The following AHCYL2 variants were observed in gnomAD, a reference collection of about 807,000 sequenced individuals.
The protein encoded by AHCYL2 is S-adenosylhomocysteine hydrolase-like protein 2.
AHCYL2 carries 28 observed loss-of-function variants against 81.4 expected under a neutral mutation model. The ratio of observed to expected loss-of-function variants is 0.34; its 90% confidence interval spans 0.25 to 0.47. The LOEUF is 0.47. Among genes scored for constraint, AHCYL2 ranks in the 20% least tolerant of loss-of-function variants. The pLI is 1.00. For synonymous variants in AHCYL2, 272 were observed against 290.2 expected (o/e 0.94, Z 0.64); for missense variants, 551 against 785.1 (o/e 0.70, Z 3.56).
At position 129,303,092 on chromosome 7, in the gene AHCYL2, C is replaced by T. The variant is rs113953848; in HGVS notation, c.364-76546C>T. Reference sequence around the variant, plus strand: ...CTTGGCTCACCGCAACCTCTGCCTCCGGGGTTCAAGTAATTCCCCTGCTTC... The same window carrying T: ...CTTGGCTCACCGCAACCTCTGCCTCTGGGGTTCAAGTAATTCCCCTGCTTC... On this transcript the variant is annotated intron_variant, in intron 1 of 16. Coordinates refer to ENST00000325006, the MANE Select transcript of AHCYL2 (RefSeq NM_015328.4). Among the ~76,000 whole-genome samples, 941 of 152,266 alleles carry T rather than the reference C, an allele frequency of 6.2e-3. 12 individuals carry two copies. Among genetic ancestry groups the T allele is most frequent in the African/African-American group, 0.022 (898 of 41,554 alleles).
intron 1 of AHCYL2, among the ~76,000 whole-genome samples, chr7:129,319,836 A>G (rs1056722583): frequency 2.0e-5 from 3 of 152,218 alleles, no homozygotes; most frequent in Admixed American, 6.5e-5. Context: ...GTGGTTTTCA[A>G]TATGAGGCTA....
intron 1 of AHCYL2, among the ~76,000 whole-genome samples, chr7:129,355,197 G>A (rs753209785): frequency 2.0e-5 from 3 of 151,704 alleles, no homozygotes; most frequent in Admixed American, 6.6e-5. Context: ...AATCTGTTTA[G>A]TGCCATATAT....
intron 1 of AHCYL2, among the ~76,000 whole-genome samples, chr7:129,241,311 C>T (rs1261319382): frequency 6.6e-6 from 1 of 152,228 alleles, no homozygotes. Flanking sequence ...TTCAAACAGG[C>T]TAGGCATGGT....
At chr7:129,254,535 T>C (rs753242937) in intron 1 of AHCYL2, among the ~76,000 whole-genome samples, 9 of 152,228 alleles carry the variant, frequency 5.9e-5, no homozygotes, top group African/African-American at 1.7e-4. Flanking sequence ...ATACTTTACA[T>C]TGAATTATTT....
intron 1 of AHCYL2, among the ~76,000 whole-genome samples, chr7:129,289,654 C>T (rs1254513342): frequency 2.0e-5 from 3 of 152,030 alleles, no homozygotes; most frequent in Non-Finnish European, 4.4e-5. Flanking sequence ...CTAGCATTCT[C>T]CAATTAGGCA....
At chr7:129,379,169 T>C (rs546245279) in intron 1 of AHCYL2, among the ~76,000 whole-genome samples, 1 of 151,182 alleles carries the variant, frequency 6.6e-6, no homozygotes, top group South Asian at 2.1e-4. Context: ...TAATCCCAGC[T>C]ACCAGGAGGC....
Position 129,370,630 on chromosome 7 carries a change from A to G in AHCYL2, c.364-9008A>G, listed in dbSNP as rs373690531. Among the ~76,000 whole-genome samples the G allele has an allele frequency of 2.4e-3, 364 of 152,328 alleles. 1 individual carries two copies. Among genetic ancestry groups the G allele is most frequent in the African/African-American group, 7.3e-3 (304 of 41,590 alleles). On this transcript the variant is annotated intron_variant, in intron 1 of 16. Coordinates refer to ENST00000325006, the MANE Select transcript of AHCYL2 (RefSeq NM_015328.4). ...GGAGAATAGCATGAACCCGGGAGGC[A>G]GAGCTTACAGTGAGCTGAGATCGCG...
chr7:129,410,872 A>G (rs1001321942), intron 11 of AHCYL2, among the ~76,000 whole-genome samples: 1 of 152,196 alleles, frequency 6.6e-6, no homozygotes, highest in Non-Finnish European at 1.5e-5. Flanking sequence ...CTCAGGAAGA[A>G]ATAGGGGCAG....
intron 1 of AHCYL2, among the ~76,000 whole-genome samples, chr7:129,233,200 A>G (rs1794509718): frequency 6.6e-6 from 1 of 151,758 alleles, no homozygotes; most frequent in African/African-American, 2.4e-5. Context: ...TTTCTTTTTT[A>G]CTGAGACAAG....
chr7:129,277,851 C>T (rs938673839), intron 1 of AHCYL2, among the ~76,000 whole-genome samples: 2 of 152,150 alleles, frequency 1.3e-5, no homozygotes, highest in East Asian at 1.9e-4. Context: ...TGTTGACAGC[C>T]ACTTGGGTTA....
chr7:129,323,914 A>G (rs1584783690), intron 1 of AHCYL2, among the ~76,000 whole-genome samples: 1 of 128,572 alleles, frequency 7.8e-6, no homozygotes, highest in African/African-American at 3.0e-5. Flanking sequence ...TCTTTCGCCC[A>G]GGTTGGAGTG....
chr7:129,373,327 C>T (rs567786588), intron 1 of AHCYL2, among the ~76,000 whole-genome samples: 156 of 152,012 alleles, frequency 1.0e-3, no homozygotes, highest in Non-Finnish European at 1.8e-3. Flanking sequence ...GGGCGGATCA[C>T]GAGGTCAGGA....
chr7:129,409,585 ATG>A (rs1231433980), intron 11 of AHCYL2, 39 bp downstream of exon 11: 8 of 1,513,062 alleles, frequency 5.3e-6, no homozygotes, highest in Non-Finnish European at 7.3e-6. Flanking sequence ...GCACTTGGGA[ATG>A]TTTTTATGGA....
intron 1 of AHCYL2, among the ~76,000 whole-genome samples, chr7:129,256,534 C>T (rs1195539352): frequency 1.7e-4 from 2 of 11,728 alleles, no homozygotes; most frequent in Non-Finnish European, 5.7e-4. Context: ...TCTTGCTTCC[C>T]GCCCCCCACC....
chr7:129,405,240 G>A (rs1477633657), intron 8 of AHCYL2, 27 bp downstream of exon 8: 4 of 1,535,322 alleles, frequency 2.6e-6, no homozygotes, highest in African/African-American at 1.4e-5. Context: ...TTGAGATGAA[G>A]TTGTGATGTC....
intron 1 of AHCYL2, among the ~76,000 whole-genome samples, chr7:129,264,417 G>A (rs1194400005): frequency 6.6e-6 from 1 of 152,158 alleles, no homozygotes; most frequent in African/African-American, 2.4e-5. Flanking sequence ...TCGAGCTCAC[G>A]GGATGTAAAG....
At chr7:129,301,390 CT>C (rs1797251357) in intron 1 of AHCYL2, among the ~76,000 whole-genome samples, 1 of 152,038 alleles carries the variant, frequency 6.6e-6, no homozygotes, top group Admixed American at 6.6e-5. Flanking sequence ...TCCATTTTTG[CT>C]TTGGTTCCTG....
intron 1 of AHCYL2, among the ~76,000 whole-genome samples, chr7:129,246,762 G>A (rs911759954): frequency 1.3e-5 from 2 of 152,152 alleles, no homozygotes; most frequent in Non-Finnish European, 2.9e-5. Context: ...TTCCCAAAGT[G>A]CTGGGACTAT....
chr7:129,334,757 G>T (rs750396800), intron 1 of AHCYL2, among the ~76,000 whole-genome samples: 9 of 152,104 alleles, frequency 5.9e-5, no homozygotes, highest in Non-Finnish European at 1.2e-4. Flanking sequence ...TTAAATCTGT[G>T]AATTTAAATC....
Sources: gnomAD v4.1 joint callset for allele counts (sites outside exome capture counted in the v4.1 genomes callset) on GRCh38, gnomAD v4.1.1 for gene constraint, MANE v1.5 for transcripts, NCBI Gene and HGNC (gene_info 2026-07-23, HGNC 2026-07-21) for gene names.